The following ZNF385D variants were observed in gnomAD, a reference collection of about 807,000 sequenced individuals.
The protein encoded by ZNF385D is zinc finger protein 385D, also known as zinc finger protein 659.
A neutral mutation model predicts 35.8 loss-of-function variants in ZNF385D; 15 were observed. The ratio of observed to expected loss-of-function variants is 0.42; its 90% CI spans 0.28 to 0.64. ZNF385D has a LOEUF of 0.64. Ranked by LOEUF, ZNF385D falls within the 30% of genes least tolerant of loss-of-function variation. ZNF385D has a pLI of 0.23. For missense variants in ZNF385D, 474 were observed against 494.6 expected, an observed-to-expected ratio of 0.96 and a Z score of 0.39; for synonymous variants, 212 against 186.8, an observed-to-expected ratio of 1.13 and a Z score of -1.10.
chr3:22,218,180 T>G (rs1437576902), intron 2 of ZNF385D, among the ~76,000 whole-genome samples: 1 of 152,140 alleles, frequency 6.6e-6, no homozygotes, highest in African/African-American at 2.4e-5. Flanking sequence ...TTTAGATCAA[T>G]TTGGAAAAAT....
chr3:21,626,599 A>T (rs910892298), intron 2 of ZNF385D, among the ~76,000 whole-genome samples: 2 of 152,086 alleles, frequency 1.3e-5, no homozygotes, highest in South Asian at 4.1e-4. Context: ...CCATTACTAT[A>T]TGGGTGGCCA....
intron 3 of ZNF385D, among the ~76,000 whole-genome samples, chr3:22,019,602 C>T (rs1212492800): frequency 6.6e-6 from 1 of 151,814 alleles, no homozygotes; most frequent in Non-Finnish European, 1.5e-5. Flanking sequence ...GTCTGAATTC[C>T]TATTTTCATT....
At chr3:21,800,786 C>T (rs950360414) in intron 3 of ZNF385D, among the ~76,000 whole-genome samples, 2 of 151,812 alleles carry the variant, frequency 1.3e-5, no homozygotes, top group Non-Finnish European at 2.9e-5. Context: ...TTTGTGGATT[C>T]CTTAAGATTT....
chr3:21,849,420 C>G (rs903957865), intron 3 of ZNF385D, among the ~76,000 whole-genome samples: 2 of 151,998 alleles, frequency 1.3e-5, no homozygotes, highest in East Asian at 1.9e-4. Context: ...GAGAATGTGA[C>G]ATCTGAATAT....
intron 3 of ZNF385D, among the ~76,000 whole-genome samples, chr3:21,995,567 G>A (rs968678311): frequency 1.3e-5 from 2 of 151,984 alleles, no homozygotes; most frequent in Admixed American, 6.6e-5. Flanking sequence ...GAGTGCTGGT[G>A]GCAGTGATGA....
chr3:22,254,479 A>G (rs1257552618), intron 2 of ZNF385D, among the ~76,000 whole-genome samples: 1 of 151,774 alleles, frequency 6.6e-6, no homozygotes, highest in Non-Finnish European at 1.5e-5. Flanking sequence ...TGTTTATATC[A>G]GTGTTATTTT....
chr3:22,274,039 C>T (rs1576597577), intron 2 of ZNF385D, among the ~76,000 whole-genome samples: 2 of 151,920 alleles, frequency 1.3e-5, no homozygotes, highest in East Asian at 3.9e-4. Context: ...AGCATATAAA[C>T]AATATTTCTA....
intron 1 of ZNF385D, among the ~76,000 whole-genome samples, chr3:21,734,574 C>T (rs765023055): frequency 1.8e-4 from 28 of 151,486 alleles, no homozygotes; most frequent in Non-Finnish European, 1.0e-4. Context: ...AGATGGACAA[C>T]ATGAGGTAAA....
chr3:21,818,068 T>C (rs892333221), intron 3 of ZNF385D, among the ~76,000 whole-genome samples: 7 of 151,700 alleles, frequency 4.6e-5, no homozygotes, highest in Non-Finnish European at 8.8e-5. Context: ...CTCAGCAAAC[T>C]ATCACAAGGA....
intron 2 of ZNF385D, among the ~76,000 whole-genome samples, chr3:22,214,711 C>G (rs1445056879): frequency 6.6e-6 from 1 of 151,988 alleles, no homozygotes; most frequent in Non-Finnish European, 1.5e-5. Flanking sequence ...GAAATTCCCA[C>G]CTAATAAATT....
intron 2 of ZNF385D, among the ~76,000 whole-genome samples, chr3:21,565,478 A>C (rs1383469722): frequency 1.3e-5 from 2 of 152,128 alleles, no homozygotes; most frequent in Non-Finnish European, 2.9e-5. Context: ...TCTTGGGTTC[A>C]AGCAGCCCTC....
chr3:21,587,329 T>C (rs1435023301), intron 2 of ZNF385D, among the ~76,000 whole-genome samples: 1 of 152,164 alleles, frequency 6.6e-6, no homozygotes, highest in Non-Finnish European at 1.5e-5. Flanking sequence ...ATAGTCCAGC[T>C]GAAAAATACA....
chr3:22,168,451 A>T (rs1414298231), intron 3 of ZNF385D: 3 of 152,178 alleles, frequency 2.0e-5, no homozygotes, highest in Non-Finnish European at 4.4e-5. Context: ...AACCAATTGA[A>T]TCCTGAATAT....
intron 4 of ZNF385D, among the ~76,000 whole-genome samples, chr3:21,502,912 T>C (rs1390776378): frequency 6.6e-6 from 1 of 152,188 alleles, no homozygotes; most frequent in Non-Finnish European, 1.5e-5. Flanking sequence ...CCAAGACGTA[T>C]GCAGTGGGTC....
chr3:21,442,053 A>T (rs961283177), intron 4 of ZNF385D, among the ~76,000 whole-genome samples: 3 of 152,230 alleles, frequency 2.0e-5, no homozygotes, highest in Admixed American at 6.5e-5. Context: ...AAAAGGAAAC[A>T]TCAGTATTCA....
intron 2 of ZNF385D, among the ~76,000 whole-genome samples, chr3:22,218,772 T>C (rs1003536913): frequency 1.3e-5 from 2 of 152,156 alleles, no homozygotes; most frequent in Non-Finnish European, 2.9e-5. Context: ...ACTAACTTTA[T>C]AGTTGTTCAT....
chr3:21,715,580 T>A (rs116083066), intron 1 of ZNF385D, among the ~76,000 whole-genome samples: 1,828 of 151,702 alleles, frequency 0.012, 30 homozygotes, highest in African/African-American at 0.04. Context: ...ATGCTTTTTT[T>A]AAATATATTG....
intron 3 of ZNF385D, among the ~76,000 whole-genome samples, chr3:22,124,216 T>A (rs6798378): frequency 0.92 from 139,294 of 151,670 alleles, 64,120 homozygotes; most frequent in African/African-American, 0.98. Context: ...TTTCATTTAT[T>A]ATGTCCTTCA....
chr3:21,463,318 A>T (rs1703302728), intron 4 of ZNF385D, among the ~76,000 whole-genome samples: 1 of 152,206 alleles, frequency 6.6e-6, no homozygotes, highest in African/African-American at 2.4e-5. Flanking sequence ...CACTAGAAGG[A>T]AGTCTATGGG....
Sources: gnomAD v4.1 joint callset for allele counts (sites outside exome capture counted in the v4.1 genomes callset) on GRCh38, gnomAD v4.1.1 for gene constraint, MANE v1.5 for transcripts, NCBI Gene and HGNC (gene_info 2026-07-23, HGNC 2026-07-21) for gene names.